MID1: variants seen among roughly 807,000 people sequenced by gnomAD.
MID1 encodes the protein E3 ubiquitin-protein ligase Midline-1.
A neutral mutation model predicts 40.4 loss-of-function variants in MID1; 7 were observed. The observed-to-expected ratio is 0.17, with a 90% CI of 0.10 to 0.33. MID1 has a LOEUF of 0.33. Among genes scored for constraint, MID1 ranks in the 10% least tolerant of loss-of-function variants. The probability of loss-of-function intolerance (pLI) is 1.00; values close to 1 mark genes in which losing one functional copy is unlikely to be tolerated. For missense variants in MID1, 367 were observed against 558.5 expected (o/e 0.66, Z 3.46); for synonymous variants, 229 against 221.2 (o/e 1.04, Z -0.31).
chrX:10,592,272 G>T (rs1399596945), intron 1 of MID1, among the ~76,000 whole-genome samples: 1 of 39,671 alleles, frequency 2.5e-5, no homozygotes, highest in Non-Finnish European at 4.1e-5. Context: ...TAGGGACTGC[G>T]TTAAAAAAAA....
At chrX:10,499,806 G>A (rs1417432478) in intron 3 of MID1, among the ~76,000 whole-genome samples, 1 of 112,357 alleles carries the variant, frequency 8.9e-6, no homozygotes, top group African/African-American at 3.2e-5. Flanking sequence ...TTCTGGCTTT[G>A]ACTAAGTCCA....
At chrX:10,695,730 C>T (rs2147079164) in intron 1 of MID1, among the ~76,000 whole-genome samples, 1 of 111,864 alleles carries the variant, frequency 8.9e-6, no homozygotes, top group Non-Finnish European at 1.9e-5. Flanking sequence ...ACCCATCAGG[C>T]AATTACAGAG....
intron 1 of MID1, among the ~76,000 whole-genome samples, chrX:10,767,300 A>G (rs2043737198): frequency 9.2e-6 from 1 of 109,119 alleles, no homozygotes; most frequent in Non-Finnish European, 1.9e-5. Context: ...GATTAAATGT[A>G]TTAGCCTTTT....
intron 1 of MID1, among the ~76,000 whole-genome samples, chrX:10,685,143 G>A (rs1303789589): frequency 3.6e-5 from 4 of 109,610 alleles, no homozygotes; most frequent in South Asian, 7.5e-4. Flanking sequence ...AATATTTTAT[G>A]TCATTAAAAA....
At chrX:10,523,701 T>C (rs963616579) in intron 2 of MID1, among the ~76,000 whole-genome samples, 10 of 110,667 alleles carry the variant, frequency 9.0e-5, no homozygotes, top group Non-Finnish European at 1.9e-4. Flanking sequence ...CACACACACA[T>C]TTGGTCAGTT....
At chrX:10,733,155 C>T (rs2043463834) in intron 1 of MID1, among the ~76,000 whole-genome samples, 1 of 111,695 alleles carries the variant, frequency 9.0e-6, no homozygotes, top group African/African-American at 3.3e-5. Context: ...AGCCACCGCG[C>T]CCGGCCGGTA....
intron 1 of MID1, among the ~76,000 whole-genome samples, chrX:10,666,938 G>A (rs746961236): frequency 3.8e-4 from 42 of 111,753 alleles, no homozygotes; most frequent in Non-Finnish European, 6.4e-4. Context: ...GGTAAATGAT[G>A]AAATGGGCTC....
chrX:10,685,897 C>CAA (rs1249911838), intron 1 of MID1, among the ~76,000 whole-genome samples: 1 of 108,551 alleles, frequency 9.2e-6, no homozygotes, highest in Non-Finnish European at 1.9e-5. Context: ...CACACACACA[C>CAA]ACACACACAC....
intron 1 of MID1, among the ~76,000 whole-genome samples, chrX:10,694,403 T>C (rs1392307519): frequency 8.9e-6 from 1 of 112,318 alleles, no homozygotes; most frequent in Non-Finnish European, 1.9e-5. Flanking sequence ...GAGTTATACA[T>C]CACTGAGCAC....
At chrX:10,618,942 C>G (rs998393915) in intron 1 of MID1, among the ~76,000 whole-genome samples, 5 of 112,082 alleles carry the variant, frequency 4.5e-5, no homozygotes, top group Non-Finnish European at 7.5e-5. Context: ...TTTCCTCATC[C>G]CACTTTAGTA....
chrX:10,803,220 G>A (rs1267401337), intron 1 of MID1, among the ~76,000 whole-genome samples: 1 of 110,716 alleles, frequency 9.0e-6, no homozygotes, highest in Non-Finnish European at 1.9e-5. Flanking sequence ...AACAACCATA[G>A]AGATATTTTA....
At chrX:10,712,258 G>A (rs1428093631) in intron 1 of MID1, among the ~76,000 whole-genome samples, 1 of 110,815 alleles carries the variant, frequency 9.0e-6, no homozygotes. Flanking sequence ...CGGGGAAAGG[G>A]AGCCTCCCAA....
At chrX:10,531,395 G>A (rs770015228) in intron 2 of MID1, among the ~76,000 whole-genome samples, 1 of 111,773 alleles carries the variant, frequency 8.9e-6, no homozygotes, top group African/African-American at 3.2e-5. Flanking sequence ...TTTTTCATTG[G>A]TTATAATAGC....
At chrX:10,753,626 A>G (rs2043613186) in intron 1 of MID1, among the ~76,000 whole-genome samples, 1 of 111,743 alleles carries the variant, frequency 8.9e-6, no homozygotes, top group South Asian at 3.7e-4. Context: ...AAGCAATGCA[A>G]TGTTGGGAAA....
chrX:10,723,439 G>T (rs1435038955), intron 1 of MID1, among the ~76,000 whole-genome samples: 1 of 112,923 alleles, frequency 8.9e-6, no homozygotes, highest in African/African-American at 3.2e-5. Flanking sequence ...GTCACAAAAA[G>T]TACACACCAC....
intron 2 of MID1, among the ~76,000 whole-genome samples, chrX:10,556,278 T>C (rs901179920): frequency 9.0e-6 from 1 of 111,103 alleles, no homozygotes; most frequent in African/African-American, 3.3e-5. Flanking sequence ...GCACCTGTGG[T>C]GCTGATCCAA....
intron 1 of MID1, among the ~76,000 whole-genome samples, chrX:10,782,928 T>C (rs1431300564): frequency 9.0e-6 from 1 of 111,327 alleles, no homozygotes; most frequent in Non-Finnish European, 1.9e-5. Flanking sequence ...ACACAGAATT[T>C]CTGGGGGTAG....
intron 1 of MID1, among the ~76,000 whole-genome samples, chrX:10,596,787 G>A (rs1379711148): frequency 2.7e-5 from 3 of 112,052 alleles, no homozygotes; most frequent in African/African-American, 9.7e-5. Flanking sequence ...AAGTAAATAG[G>A]ACTAAGGGAG....
chrX:10,720,628 A>G (rs2043344364), intron 1 of MID1, among the ~76,000 whole-genome samples: 1 of 112,001 alleles, frequency 8.9e-6, no homozygotes, highest in African/African-American at 3.3e-5. Context: ...ACCATTGTGG[A>G]AGTCAGTGTG....
Sources: gnomAD v4.1 joint callset for allele counts (sites outside exome capture counted in the v4.1 genomes callset) on GRCh38, gnomAD v4.1.1 for gene constraint, MANE v1.5 for transcripts, NCBI Gene and HGNC (gene_info 2026-07-23, HGNC 2026-07-21) for gene names.